The following VWA8 variants were observed in gnomAD, a reference collection of about 807,000 sequenced individuals.
The protein encoded by VWA8 is von Willebrand factor A domain containing 8, also known as von Willebrand factor A domain-containing protein 8.
In VWA8, 221 loss-of-function variants were observed where a neutral mutation model predicts 241.5. The ratio of observed to expected loss-of-function variants is 0.91; its 90% CI spans 0.82 to 1.02. The LOEUF (loss-of-function observed/expected upper bound fraction) is 1.02, where lower values mean the gene tolerates loss of function less well. Ranked by LOEUF, VWA8 falls within the 50% of genes least tolerant of loss-of-function variation. The pLI is 0.00. For missense variants in VWA8, 2,322 were observed against 2,328.7 expected, an observed-to-expected ratio of 1.00 and a Z score of 0.06; for synonymous variants, 852 against 827.1, an observed-to-expected ratio of 1.03 and a Z score of -0.52.
At chr13:41,855,293 C>T (rs1478270822) in intron 12 of VWA8, among the ~76,000 whole-genome samples, 1 of 145,254 alleles carries the variant, frequency 6.9e-6, no homozygotes, top group African/African-American at 2.5e-5. Flanking sequence ...AATGGCCCAC[C>T]ACGGGTTTAA....
In VWA8 at chr13:41,755,074, G is replaced by T. The variant is rs1395365583; in HGVS notation, c.2426+6054C>A. ...GTAAATAATGCTGCAATAAACATAA[G>T]AGTGCAGATGTCCCTTCAATATACC... On this transcript the variant is annotated intron_variant, in intron 21 of 44. Transcript: ENST00000379310. Among the ~76,000 whole-genome samples the T allele has an allele frequency of 2.0e-5, 3 of 152,006 alleles. No individual in the cohort carries two copies. The South Asian group carries it at 6.2e-4, about 32-fold the overall frequency.
At chr13:41,582,269 T>TA (rs2044387795) in intron 42 of VWA8, among the ~76,000 whole-genome samples, 1 of 152,074 alleles carries the variant, frequency 6.6e-6, no homozygotes, top group Non-Finnish European at 1.5e-5. Flanking sequence ...TAATGTGGAA[T>TA]AAAAAATAGA....
At chr13:41,649,133 G>C (rs1033793407) in intron 37 of VWA8, among the ~76,000 whole-genome samples, 12 of 152,172 alleles carry the variant, frequency 7.9e-5, no homozygotes, top group Non-Finnish European at 1.6e-4. Flanking sequence ...GCAGTGAGCT[G>C]AGATTGCGCC....
chr13:41,600,447 A>T (rs1165195474), intron 40 of VWA8, among the ~76,000 whole-genome samples: 1 of 152,118 alleles, frequency 6.6e-6, no homozygotes, highest in African/African-American at 2.4e-5. Flanking sequence ...TGTGACATGT[A>T]GACGTTCCTT....
chr13:41,926,279 G>A, intron 2 of VWA8: 4 of 640,082 alleles, frequency 6.2e-6, no homozygotes, highest in Non-Finnish European at 1.2e-5. Context: ...GGTATCATCA[G>A]AAATACTTGG....
intron 16 of VWA8, among the ~76,000 whole-genome samples, chr13:41,812,352 G>C (rs1439469915): frequency 6.6e-6 from 1 of 152,118 alleles, no homozygotes; most frequent in Admixed American, 6.6e-5. Context: ...AGCATTAGAA[G>C]ACAGTGATTA....
intron 20 of VWA8, among the ~76,000 whole-genome samples, chr13:41,775,030 A>G (rs560366885): frequency 6.6e-6 from 1 of 152,342 alleles, no homozygotes; most frequent in East Asian, 1.9e-4. Flanking sequence ...AGGTTGAAAT[A>G]TAACACTGAT....
intron 4 of VWA8, among the ~76,000 whole-genome samples, chr13:41,896,788 C>T (rs1336649098): frequency 1.3e-5 from 2 of 152,038 alleles, no homozygotes; most frequent in Non-Finnish European, 2.9e-5. Flanking sequence ...GAAACCAAAA[C>T]TCTCATTCAT....
intron 12 of VWA8, among the ~76,000 whole-genome samples, chr13:41,841,589 A>G (rs1196642106): frequency 6.6e-6 from 1 of 150,622 alleles, no homozygotes; most frequent in Non-Finnish European, 1.5e-5. Context: ...GATCGAGACC[A>G]TCCTGGCTAA....
intron 43 of VWA8, among the ~76,000 whole-genome samples, chr13:41,573,275 G>A (rs868585223): frequency 4.0e-5 from 6 of 150,648 alleles, no homozygotes; most frequent in Admixed American, 1.3e-4. Context: ...AAAATTGGCC[G>A]GGCATGGTGG....
At chr13:41,867,356 G>A (rs1277927085) in intron 10 of VWA8, among the ~76,000 whole-genome samples, 5 of 151,966 alleles carry the variant, frequency 3.3e-5, no homozygotes, top group East Asian at 3.9e-4. Flanking sequence ...GTCTTAACTC[G>A]TCTGCCTCTA....
intron 42 of VWA8, among the ~76,000 whole-genome samples, chr13:41,578,802 G>A (rs927803727): frequency 6.6e-6 from 1 of 152,134 alleles, no homozygotes; most frequent in Non-Finnish European, 1.5e-5. Context: ...TGAAAACCCT[G>A]TGCAGTCTCA....
intron 37 of VWA8, among the ~76,000 whole-genome samples, chr13:41,638,436 A>T (rs1425504415): frequency 6.6e-6 from 1 of 152,226 alleles, no homozygotes; most frequent in African/African-American, 2.4e-5. Context: ...TAAAGTGAAG[A>T]GGGCTCAGGG....
intron 12 of VWA8, among the ~76,000 whole-genome samples, chr13:41,840,853 TTG>T (rs1424821254): frequency 6.6e-6 from 1 of 151,796 alleles, no homozygotes; most frequent in African/African-American, 2.4e-5. Flanking sequence ...TGAGAAAAAT[TTG>T]TTTCATGGGT....
chr13:41,731,745 C>T (rs1339071692), intron 22 of VWA8, among the ~76,000 whole-genome samples: 1 of 152,044 alleles, frequency 6.6e-6, no homozygotes, highest in African/African-American at 2.4e-5. Flanking sequence ...GGGGCAGTTT[C>T]CCCCATACTG....
chr13:41,785,920 A>G (rs1326861625), intron 18 of VWA8, among the ~76,000 whole-genome samples: 1 of 152,136 alleles, frequency 6.6e-6, no homozygotes, highest in Admixed American at 6.6e-5. Flanking sequence ...GGTTTAGTTT[A>G]CGGAATACAT....
intron 12 of VWA8, among the ~76,000 whole-genome samples, chr13:41,846,713 A>G (rs189240399): frequency 5.9e-4 from 90 of 152,366 alleles, no homozygotes; most frequent in African/African-American, 2.1e-3. Flanking sequence ...AGTAAAGAAA[A>G]GCTGACAACA....
chr13:41,572,797 T>TAAAAAAA (rs869088660), intron 43 of VWA8, among the ~76,000 whole-genome samples: 296 of 67,548 alleles, frequency 4.4e-3, no homozygotes, highest in Non-Finnish European at 6.3e-3. Context: ...CAATAAATAC[T>TAAAAAAA]AAAAAAAAAA....
At chr13:41,895,605 C>G (rs1035053207) in intron 4 of VWA8, among the ~76,000 whole-genome samples, 3 of 152,094 alleles carry the variant, frequency 2.0e-5, no homozygotes, top group Non-Finnish European at 4.4e-5. Flanking sequence ...TTCAAATCAT[C>G]ATCAACTCAG....
Sources: allele counts gnomAD v4.1 joint callset (sites outside exome capture counted in the v4.1 genomes callset), GRCh38; gene constraint gnomAD v4.1.1; transcripts MANE v1.5; gene names NCBI Gene and HGNC (gene_info 2026-07-23, HGNC 2026-07-21).